The following ATL2 variants were observed in gnomAD, a reference collection of about 807,000 sequenced individuals.
ATL2 encodes atlastin GTPase 2, also known as atlastin-2.
A neutral mutation model predicts 73.9 loss-of-function variants in ATL2; 31 were observed. The observed-to-expected ratio is 0.42, with a 90% CI of 0.32 to 0.57. The LOEUF is 0.57. ATL2 is among the 20% of genes least tolerant of loss of function. The pLI is 0.14. For missense variants in ATL2, 738 were observed against 702.6 expected (o/e 1.05, Z -0.57); for synonymous variants, 291 against 237.5 (o/e 1.23, Z -2.07).
At chr2:38,365,726 G>A (rs1441030464) in intron 1 of ATL2, among the ~76,000 whole-genome samples, 1 of 152,120 alleles carries the variant, frequency 6.6e-6, no homozygotes, top group African/African-American at 2.4e-5. Context: ...TTGAACCCTG[G>A]AAGCAGAGGT....
chr2:38,313,358 G>T, intron 6 of ATL2, 115 bp from the exon 7 acceptor site: 1 of 731,620 alleles, frequency 1.4e-6, no homozygotes, highest in Non-Finnish European at 2.2e-6. Flanking sequence ...CTTATCAAAA[G>T]TTATAGTAAC....
chr2:38,333,107 A>G (rs193267980), intron 2 of ATL2, among the ~76,000 whole-genome samples: 8 of 152,306 alleles, frequency 5.3e-5, no homozygotes, highest in Admixed American at 5.2e-4. Context: ...TTACACCTAC[A>G]ATCCCAGCAC....
At position 38,318,690 on chromosome 2, in the gene ATL2, C is replaced by G. The variant is rs370486802; in HGVS notation, c.499-51G>C. 8.4e-5 allele frequency: 122 copies of G among 1,449,846 alleles called. No homozygotes were observed. In the African/African-American group the frequency reaches 1.5e-3, roughly 18 times the overall value. 89.8% of individuals were successfully genotyped at this position (1,449,846 alleles called of 1,614,324 possible). ...TTAGTAAAACAGTTGCCAAAAATGA[C>G]TATAAAAAAAATCAAATGATAAATT... On this transcript the variant is annotated intron_variant, in intron 3 of 12. Transcript: ENST00000378954.
chr2:38,355,274 C>T (rs1428304198), intron 1 of ATL2, among the ~76,000 whole-genome samples: 1 of 151,986 alleles, frequency 6.6e-6, no homozygotes, highest in African/African-American at 2.4e-5. Context: ...TTACAGTCGC[C>T]CTCCACCATG....
chr2:38,327,874 T>G (rs980256558), intron 2 of ATL2, among the ~76,000 whole-genome samples: 2 of 152,160 alleles, frequency 1.3e-5, no homozygotes, highest in Non-Finnish European at 2.9e-5. Context: ...AGGCGGAGGT[T>G]GCAGTGAGCC....
chr2:38,352,029 T>C (rs768465877), intron 1 of ATL2, among the ~76,000 whole-genome samples: 1 of 137,492 alleles, frequency 7.3e-6, no homozygotes, highest in Middle Eastern at 3.5e-3. Context: ...GGAGAATTGC[T>C]TGAACCCAGG....
intron 12 of ATL2, among the ~76,000 whole-genome samples, chr2:38,297,532 G>C (rs1017035960): frequency 2.6e-5 from 4 of 152,206 alleles, no homozygotes; most frequent in Admixed American, 6.5e-5. Flanking sequence ...CTGGGGCTTT[G>C]AATTCTGGTT....
chr2:38,296,559 C>G, intron 12 of ATL2: 1 of 1,614,022 alleles, frequency 6.2e-7, no homozygotes. Flanking sequence ...AACCATTCGA[C>G]GTCTAGTAAC....
rs1311399889 is a variant in ATL2, at chr2:38,294,632, T to C, written c.*1362A>G. On this transcript the variant is annotated 3_prime_UTR_variant, in exon 13 of 13. Coordinates refer to ENST00000378954, the MANE Select transcript of ATL2 (RefSeq NM_001135673.4). The stretch of plus-strand genomic sequence containing the variant: ...GTACTGAAAAAATGCTAGCCTTACA[T>C]ATACCACCAAAAAAAAAAAAAGAGA... 8.2e-6 allele frequency among the ~76,000 whole-genome samples: 1 copy of C among 121,990 alleles called. No individual in the cohort carries two copies. The highest frequency in any genetic ancestry group is 1.7e-5 in the Non-Finnish European group (1 of 60,124). 80.0% of individuals were successfully genotyped at this position (121,990 alleles called of 152,430 possible).
At chr2:38,328,560 A>C (rs1170240126) in intron 2 of ATL2, among the ~76,000 whole-genome samples, 1 of 152,216 alleles carries the variant, frequency 6.6e-6, no homozygotes, top group Non-Finnish European at 1.5e-5. Flanking sequence ...TTGGAGTTTA[A>C]AACAACTCAC....
At chr2:38,335,021 T>C (rs1230393833) in intron 2 of ATL2, among the ~76,000 whole-genome samples, 2 of 102,118 alleles carry the variant, frequency 2.0e-5, no homozygotes, top group African/African-American at 3.0e-5. Flanking sequence ...AATGAACTTG[T>C]ATACAGACGT....
chr2:38,307,489 G>A (rs1043661063), intron 9 of ATL2, among the ~76,000 whole-genome samples: 5 of 151,434 alleles, frequency 3.3e-5, no homozygotes, highest in African/African-American at 9.7e-5. Context: ...ACAGAGCAAC[G>A]CTCCATTTCA....
intron 2 of ATL2, among the ~76,000 whole-genome samples, chr2:38,329,885 T>C (rs1458664421): frequency 5.3e-5 from 8 of 152,094 alleles, no homozygotes; most frequent in Non-Finnish European, 1.0e-4. Context: ...TCCCAACACT[T>C]TGGGAGGCCA....
At chr2:38,377,296 C>T (rs937118204), upstream of ATL2, 2 of 1,492,020 alleles carry the variant, frequency 1.3e-6, no homozygotes, top group African/African-American at 2.9e-5. Context: ...CCACTGACGT[C>T]AAACGCCGCC....
chr2:38,319,214 T>C (rs944905040), intron 2 of ATL2, among the ~76,000 whole-genome samples, 195 bp from the exon 3 acceptor site: 1 of 152,208 alleles, frequency 6.6e-6, no homozygotes, highest in African/African-American at 2.4e-5. Context: ...AGACGTGGTC[T>C]CCTCCAAACT....
At chr2:38,327,128 T>C (rs925545721) in intron 2 of ATL2, among the ~76,000 whole-genome samples, 1 of 151,792 alleles carries the variant, frequency 6.6e-6, no homozygotes, top group East Asian at 1.9e-4. Flanking sequence ...AAGTAAAGAC[T>C]TTCTTAGCCA....
At chr2:38,328,261 TAGCTGACACACCC>T (rs1344879447) in intron 2 of ATL2, among the ~76,000 whole-genome samples, 1 of 152,162 alleles carries the variant, frequency 6.6e-6, no homozygotes, top group Non-Finnish European at 1.5e-5. Context: ...TCTTTATAGG[TAGCTGACACACCC>T]AGCAAGTAGA....
intron 1 of ATL2, among the ~76,000 whole-genome samples, chr2:38,354,380 T>C (rs188202877): frequency 2.8e-4 from 42 of 152,312 alleles, no homozygotes; most frequent in Admixed American, 4.6e-4. Flanking sequence ...TAAAAGATAA[T>C]TGATCAATGT....
At chr2:38,354,878 G>A (rs950698982) in intron 1 of ATL2, among the ~76,000 whole-genome samples, 4 of 151,742 alleles carry the variant, frequency 2.6e-5, no homozygotes, top group East Asian at 3.9e-4. Flanking sequence ...TAAGAAGAGC[G>A]AAACTCTTTC....
Sources: allele counts gnomAD v4.1 joint callset (sites outside exome capture counted in the v4.1 genomes callset), GRCh38; gene constraint gnomAD v4.1.1; transcripts MANE v1.5; gene names NCBI Gene and HGNC (gene_info 2026-07-23, HGNC 2026-07-21).